Variants in KDM5A observed in about 807,000 individuals in gnomAD.
The protein encoded by KDM5A is lysine demethylase 5A, also known as lysine-specific demethylase 5A.
A neutral mutation model predicts 193.5 loss-of-function variants in KDM5A; 42 were observed. The ratio of observed to expected loss-of-function variants is 0.22; its 90% CI spans 0.17 to 0.28. The LOEUF is 0.28. Ranked by LOEUF, KDM5A falls within the 10% of genes least tolerant of loss-of-function variation. The pLI is 1.00. For synonymous variants in KDM5A, 796 were observed against 718.1 expected (o/e 1.11, Z -1.73); for missense variants, 1,692 against 2,055.1 (o/e 0.82, Z 3.42).
intron 12 of KDM5A, chr12:333,201 T>C (rs1943884896): frequency 2.3e-6 from 1 of 428,074 alleles, no homozygotes; most frequent in African/African-American, 2.0e-5. Context: ...GGAAGACTGC[T>C]TGAGCTCAGG....
At chr12:331,748 T>A (rs1178784159) in intron 13 of KDM5A, 71 bp downstream of exon 13, 1 of 1,580,550 alleles carries the variant, frequency 6.3e-7, no homozygotes, top group Admixed American at 1.7e-5. Context: ...TAAGCAAATA[T>A]GGCAACTAAG....
intron 4 of KDM5A, among the ~76,000 whole-genome samples, chr12:365,087 C>T (rs1221706541): frequency 1.3e-5 from 2 of 152,006 alleles, no homozygotes; most frequent in African/African-American, 4.8e-5. Flanking sequence ...GGGTCTCACT[C>T]TGTCACCCAG....
intron 10 of KDM5A, among the ~76,000 whole-genome samples, chr12:345,927 T>C (rs535399290): frequency 2.6e-5 from 4 of 151,762 alleles, no homozygotes; most frequent in African/African-American, 4.9e-5. Context: ...AGAGCAGAAC[T>C]GAAAGACAGA....
chr12:336,680 A>T (rs1943937588), intron 10 of KDM5A, among the ~76,000 whole-genome samples: 1 of 151,962 alleles, frequency 6.6e-6, no homozygotes, highest in Non-Finnish European at 1.5e-5. Context: ...ATCACTAGTA[A>T]AAATACAAAA....
chr12:322,240 G>A (rs543467706), intron 17 of KDM5A, 177 bp downstream of exon 17: 37 of 629,836 alleles, frequency 5.9e-5, no homozygotes, highest in East Asian at 3.6e-4. Flanking sequence ...ACTGCAGGCT[G>A]GAGCAAGAAA....
At chr12:346,960 A>C (rs1289814841) in intron 10 of KDM5A, among the ~76,000 whole-genome samples, 2 of 152,302 alleles carry the variant, frequency 1.3e-5, no homozygotes, top group Non-Finnish European at 2.9e-5. Flanking sequence ...CAATTAGGAA[A>C]AGAGGAAGTC....
chr12:334,198 C>CT (rs1473792351), intron 11 of KDM5A, 43 bp downstream of exon 11: 2 of 1,531,634 alleles, frequency 1.3e-6, no homozygotes, highest in Non-Finnish European at 1.8e-6. Flanking sequence ...ATCCACTAGA[C>CT]TTTAGTAGAG....
Position 340,147 on chromosome 12 carries a change from G to A in KDM5A, c.1309-5725C>T, listed in dbSNP as rs141212347. On this transcript the variant is annotated intron_variant, in intron 10 of 27. Transcript: ENST00000399788. ...CCTGCCTCAGCCTCCCAAAGTGCTA[G>A]GATTATGGGTGTGAGCCACTGCACC... Among the ~76,000 whole-genome samples the A allele has an allele frequency of 7.1e-3, 1,087 of 152,220 alleles. 8 individuals carry two copies. The highest frequency in any genetic ancestry group is 0.014 in the Middle Eastern group (4 of 294).
At chr12:382,362 C>G (rs956230476) in intron 3 of KDM5A, among the ~76,000 whole-genome samples, 3 of 151,600 alleles carry the variant, frequency 2.0e-5, no homozygotes, top group African/African-American at 7.3e-5. Context: ...ACCCGGGAGG[C>G]TGAGGCAGAA....
chr12:290,973 A>C (rs1406372124), intron 27 of KDM5A, among the ~76,000 whole-genome samples: 27 of 152,200 alleles, frequency 1.8e-4, no homozygotes, highest in Admixed American at 1.8e-3. Flanking sequence ...AAAAGGGAGA[A>C]GGTTCTGCCA....
intron 8 of KDM5A, among the ~76,000 whole-genome samples, chr12:353,350 CTAAA>C (rs1385060652): frequency 6.6e-6 from 1 of 152,042 alleles, no homozygotes; most frequent in Non-Finnish European, 1.5e-5. Context: ...TAAATAAATA[CTAAA>C]TAAATAAAAG....
At chr12:313,858 G>T (rs904429609) in intron 19 of KDM5A, among the ~76,000 whole-genome samples, 1 of 152,168 alleles carries the variant, frequency 6.6e-6, no homozygotes, top group Non-Finnish European at 1.5e-5. Flanking sequence ...ATATTAGTAT[G>T]ATTCTGTCCA....
chr12:356,401 T>A, intron 6 of KDM5A, 31 bp downstream of exon 6: 1 of 1,269,836 alleles, frequency 7.9e-7, no homozygotes, highest in Non-Finnish European at 1.2e-6. Flanking sequence ...TTCTACCTTA[T>A]CTCTTTTCAT....
chr12:344,094 A>G (rs1490136931), intron 10 of KDM5A, among the ~76,000 whole-genome samples: 2 of 152,236 alleles, frequency 1.3e-5, no homozygotes, highest in Non-Finnish European at 2.9e-5. Flanking sequence ...GCTGAAAACC[A>G]TGGGACGAGA....
chr12:318,327 T>C lies in KDM5A; in HGVS notation c.2676A>G (p.Pro892=). The part of the protein sequence containing the change: ...SSLYVELPEL[P]RLKQELQQAR... ...CCTGTTGTAGCTCTTGCTTCAGTCG[T>C]GGTAATTCAGGGAGTTCCACATAGA... is the stretch of plus-strand genomic sequence containing the variant. Residue 892 remains proline, a synonymous_variant, in exon 19 of 28, where the codon CCA becomes CCG. Coordinates refer to ENST00000399788, the MANE Select transcript of KDM5A (RefSeq NM_001042603.3). The C allele has an allele frequency of 6.2e-7, 1 of 1,614,142 alleles. No individual in the cohort carries two copies. The highest frequency in any genetic ancestry group is 8.5e-7 in the Non-Finnish European group (1 of 1,180,026).
In KDM5A at chr12:294,735, A is replaced by G. The variant is rs569251070; in HGVS notation, c.4455+838T>C. On this transcript the variant is annotated intron_variant, in intron 26 of 27. Transcript: ENST00000399788. ...ATACTCATGAAAATGAATGAAAAGA[A>G]AAGAGTCAAATGGCAGACTTAGAAT... is the stretch of plus-strand genomic sequence containing the variant. 3.9e-5 allele frequency among the ~76,000 whole-genome samples: 6 copies of G among 152,380 alleles called. No homozygotes were observed. The East Asian group carries it at 7.7e-4, about 20-fold the overall frequency.
At chr12:333,742 T>C in intron 11 of KDM5A, 93 bp from the exon 12 acceptor site, 2 of 1,183,506 alleles carry the variant, frequency 1.7e-6, no homozygotes, top group Non-Finnish European at 2.5e-6. Flanking sequence ...AATTAACTTG[T>C]CTTATTCCAT....
chr12:351,082 T>C (rs1565542744), intron 9 of KDM5A, among the ~76,000 whole-genome samples: 1 of 152,208 alleles, frequency 6.6e-6, no homozygotes, highest in Admixed American at 6.5e-5. Flanking sequence ...AACAGCAAGA[T>C]TAAATTTTTT....
In KDM5A at chr12:319,479, G is replaced by C. The variant is rs546326650; in HGVS notation, c.2542-1018C>G. Among the ~76,000 whole-genome samples the C allele has an allele frequency of 1.3e-3, 202 of 152,336 alleles. 1 individual carries two copies. The Middle Eastern group carries it at 0.02, about 15-fold the overall frequency. On this transcript the variant is annotated intron_variant, in intron 18 of 27. Transcript: ENST00000399788. ...ATTCACTTGGTTCATTAAAAGGCGT[G>C]GTGGCTCATGTCTGTAATTCCAGCA...
Sources: allele counts gnomAD v4.1 joint callset (sites outside exome capture counted in the v4.1 genomes callset), GRCh38; gene constraint gnomAD v4.1.1; transcripts MANE v1.5; gene names NCBI Gene and HGNC (gene_info 2026-07-23, HGNC 2026-07-21).